NAALADL2: variants seen among roughly 807,000 people sequenced by gnomAD.
The protein encoded by NAALADL2 is N-acetylated alpha-linked acidic dipeptidase like 2.
A neutral mutation model predicts 87.2 loss-of-function variants in NAALADL2; 76 were observed. The observed-to-expected ratio is 0.87, with a 90% CI of 0.72 to 1.05. The LOEUF is 1.05. Ranked by LOEUF, NAALADL2 falls within the 50% of genes least tolerant of loss-of-function variation. NAALADL2 has a pLI of 0.00. For missense variants in NAALADL2, 1,089 were observed against 945.8 expected, an observed-to-expected ratio of 1.15 and a Z score of -1.99; for synonymous variants, 354 against 331.0, an observed-to-expected ratio of 1.07 and a Z score of -0.75.
chr3:175,447,141 A>G (rs1720835564), intron 5 of NAALADL2, 88 bp from the exon 6 acceptor site: 1 of 796,488 alleles, frequency 1.3e-6, no homozygotes, highest in African/African-American at 1.8e-5. Flanking sequence ...ACCAGTCATA[A>G]TTTAAATACT....
At chr3:175,429,722 A>T (rs1049501193) in intron 5 of NAALADL2, among the ~76,000 whole-genome samples, 2 of 152,046 alleles carry the variant, frequency 1.3e-5, no homozygotes, top group African/African-American at 2.4e-5. Flanking sequence ...GTCTAAGTAT[A>T]TTAGAATACT....
chr3:174,681,899 G>A (rs1255193709), intron 2 of NAALADL2, among the ~76,000 whole-genome samples: 3 of 152,294 alleles, frequency 2.0e-5, no homozygotes, highest in Middle Eastern at 3.4e-3. Context: ...TGAGCCAGAG[G>A]TGGGGACAAC....
intron 9 of NAALADL2, among the ~76,000 whole-genome samples, chr3:175,558,152 G>A (rs1371411624): frequency 7.7e-6 from 1 of 130,162 alleles, no homozygotes; most frequent in South Asian, 2.3e-4. Flanking sequence ...CTGAGATCAC[G>A]CCACTGCACT....
At chr3:175,381,482 A>G (rs917443452) in intron 5 of NAALADL2, among the ~76,000 whole-genome samples, 11 of 152,026 alleles carry the variant, frequency 7.2e-5, no homozygotes, top group African/African-American at 2.4e-4. Flanking sequence ...TTTATTAGTA[A>G]TGATTCATAA....
rs1732114368 is a variant in NAALADL2 at position 175,155,175 on chromosome 3, T to A, written c.545+57884T>A. ...GGATGCCTGAGTCCCACCTCAGGTC[T>A]CTGGGGCGGTGGGGCCTGGGTATCA... On this transcript the variant is annotated intron_variant, in intron 2 of 13. Transcript: ENST00000454872. Among the ~76,000 whole-genome samples the A allele has an allele frequency of 2.0e-5, 3 of 152,132 alleles. No homozygotes were observed. The South Asian group carries it at 6.2e-4, about 31-fold the overall frequency.
chr3:175,474,502 G>C (rs1401298539), intron 9 of NAALADL2, among the ~76,000 whole-genome samples: 1 of 152,108 alleles, frequency 6.6e-6, no homozygotes, highest in Non-Finnish European at 1.5e-5. Context: ...ATCTTGATAT[G>C]ATAGTCTTAT....
intron 1 of NAALADL2, among the ~76,000 whole-genome samples, chr3:174,493,782 A>T (rs1718355150): frequency 6.6e-6 from 1 of 152,220 alleles, no homozygotes; most frequent in Non-Finnish European, 1.5e-5. Context: ...TTTATTATGT[A>T]TTAAGTATTT....
intron 5 of NAALADL2, among the ~76,000 whole-genome samples, chr3:175,438,849 A>G (rs919534390): frequency 1.3e-5 from 2 of 152,046 alleles, no homozygotes; most frequent in Non-Finnish European, 2.9e-5. Flanking sequence ...TTATGTATTT[A>G]TGTATTTATT....
chr3:174,678,242 T>C (rs933055409), intron 2 of NAALADL2, among the ~76,000 whole-genome samples: 6 of 152,094 alleles, frequency 3.9e-5, no homozygotes, highest in African/African-American at 1.4e-4. Flanking sequence ...AGGTCTGGAG[T>C]TGGGCCTGAG....
At chr3:175,486,487 C>T (rs1727277289) in intron 9 of NAALADL2, among the ~76,000 whole-genome samples, 1 of 152,074 alleles carries the variant, frequency 6.6e-6, no homozygotes, top group Non-Finnish European at 1.5e-5. Flanking sequence ...TTGGCTTCAC[C>T]AATGATAAAT....
intron 5 of NAALADL2, among the ~76,000 whole-genome samples, chr3:175,414,988 T>G (rs1714312553): frequency 1.3e-5 from 2 of 152,166 alleles, no homozygotes; most frequent in African/African-American, 4.8e-5. Context: ...AAAACACTTT[T>G]AAGTAGAAAA....
At chr3:175,013,602 A>G (rs1227174862) in intron 1 of NAALADL2, among the ~76,000 whole-genome samples, 2 of 151,724 alleles carry the variant, frequency 1.3e-5, no homozygotes, top group African/African-American at 4.8e-5. Flanking sequence ...CCAGGCCACA[A>G]ATTTGTTTGA....
intron 6 of NAALADL2, among the ~76,000 whole-genome samples, chr3:175,453,524 C>G (rs541767852): frequency 6.6e-6 from 1 of 152,146 alleles, no homozygotes; most frequent in African/African-American, 2.4e-5. Flanking sequence ...TCAAGTTGGA[C>G]GTAGCCTCTC....
At chr3:174,677,755 A>C (rs1727175648) in intron 2 of NAALADL2, among the ~76,000 whole-genome samples, 1 of 152,092 alleles carries the variant, frequency 6.6e-6, no homozygotes. Context: ...CTCATGCCTG[A>C]ATGAAGCTTA....
chr3:174,923,147 T>A (rs1016062033), intron 1 of NAALADL2, among the ~76,000 whole-genome samples: 1 of 152,118 alleles, frequency 6.6e-6, no homozygotes, highest in Non-Finnish European at 1.5e-5. Flanking sequence ...TAATAGAATT[T>A]AAGGAAGTAT....
intron 3 of NAALADL2, among the ~76,000 whole-genome samples, chr3:174,835,707 C>T (rs77305765): frequency 2.8e-4 from 42 of 152,174 alleles, no homozygotes; most frequent in African/African-American, 9.6e-4. Flanking sequence ...TGAATAGACA[C>T]TTCTTTAACG....
chr3:174,910,057 A>G (rs1230357638), intron 1 of NAALADL2, among the ~76,000 whole-genome samples: 1 of 152,136 alleles, frequency 6.6e-6, no homozygotes, highest in Non-Finnish European at 1.5e-5. Flanking sequence ...TGTAGCACAA[A>G]TAAAATATAA....
intron 2 of NAALADL2, among the ~76,000 whole-genome samples, chr3:175,221,197 T>TA (rs1560184158): frequency 1.1e-3 from 60 of 54,864 alleles, no homozygotes; most frequent in East Asian, 2.1e-3. Context: ...AGACTCCGTT[T>TA]TAAAAAAAAA....
intron 11 of NAALADL2, among the ~76,000 whole-genome samples, chr3:175,711,762 T>G (rs1740556749): frequency 6.6e-6 from 1 of 151,912 alleles, no homozygotes; most frequent in Admixed American, 6.6e-5. Context: ...TAACTAGTTA[T>G]GAGGAGATAT....
Sources: gnomAD v4.1 joint callset for allele counts (sites outside exome capture counted in the v4.1 genomes callset) on GRCh38, gnomAD v4.1.1 for gene constraint, MANE v1.5 for transcripts, NCBI Gene and HGNC (gene_info 2026-07-23, HGNC 2026-07-21) for gene names.